Variants in BNC2 observed in about 807,000 individuals in gnomAD.
BNC2 encodes the protein basonuclin zinc finger protein 2.
A neutral mutation model predicts 76.3 loss-of-function variants in BNC2; 20 were observed. The ratio of observed to expected loss-of-function variants is 0.26; its 90% confidence interval spans 0.18 to 0.38. The LOEUF (loss-of-function observed/expected upper bound fraction) is 0.38. Ranked by LOEUF, BNC2 falls within the 10% of genes least tolerant of loss-of-function variation. The pLI, the probability that BNC2 is intolerant of heterozygous loss-of-function variation, is 1.00. For missense variants in BNC2, 1,382 were observed against 1,399.8 expected, an observed-to-expected ratio of 0.99 and a Z score of 0.20; for synonymous variants, 582 against 514.8, an observed-to-expected ratio of 1.13 and a Z score of -1.77.
At chr9:16,535,527 C>T (rs1818104387) in intron 5 of BNC2, among the ~76,000 whole-genome samples, 1 of 152,094 alleles carries the variant, frequency 6.6e-6, no homozygotes, top group East Asian at 1.9e-4. Flanking sequence ...TTGTATCTAA[C>T]CCTGCTGTTT....
Position 16,650,486 on chromosome 9 carries a change from A to G in BNC2, c.331-67401T>C, listed in dbSNP as rs184139928. On this transcript the variant is annotated intron_variant, in intron 3 of 6. Coordinates refer to ENST00000380672, the MANE Select transcript of BNC2 (RefSeq NM_017637.6). ...ACTCAAGGTAATTCCCGTCTGACAT[A>G]TGAATAACAGAGTCCACCAAACTGC... 2.0e-5 allele frequency among the ~76,000 whole-genome samples: 3 copies of G among 152,290 alleles called. No individual in the cohort carries two copies. In the East Asian group the frequency reaches 5.8e-4, roughly 29 times the overall value.
intron 3 of BNC2, among the ~76,000 whole-genome samples, chr9:16,596,813 T>A (rs902455023): frequency 1.3e-5 from 2 of 152,178 alleles, no homozygotes; most frequent in Admixed American, 6.5e-5. Flanking sequence ...ATTGTGGTTG[T>A]AGATTAATTT....
chr9:16,445,039 G>T (rs1402960382), intron 5 of BNC2, among the ~76,000 whole-genome samples: 1 of 152,148 alleles, frequency 6.6e-6, no homozygotes, highest in African/African-American at 2.4e-5. Flanking sequence ...GCCTGCAAGT[G>T]TGTAAGTATG....
intron 4 of BNC2, among the ~76,000 whole-genome samples, chr9:16,570,203 A>T (rs1343380989): frequency 6.6e-6 from 1 of 152,232 alleles, no homozygotes; most frequent in African/African-American, 2.4e-5. Context: ...AAACTATCAC[A>T]TGTGAAAAAA....
chr9:16,423,501 T>C (rs1053148687), intron 6 of BNC2, among the ~76,000 whole-genome samples: 1 of 152,206 alleles, frequency 6.6e-6, no homozygotes, highest in African/African-American at 2.4e-5. Flanking sequence ...TTCAAGAACA[T>C]AACTAAATCT....
At chr9:16,477,909 A>G (rs1056012539) in intron 5 of BNC2, among the ~76,000 whole-genome samples, 3 of 152,234 alleles carry the variant, frequency 2.0e-5, no homozygotes, top group South Asian at 4.1e-4. Flanking sequence ...CTGGCCCCCA[A>G]TTTGAACTTC....
intron 3 of BNC2, among the ~76,000 whole-genome samples, chr9:16,693,692 G>A (rs1407049077): frequency 1.3e-5 from 2 of 152,090 alleles, no homozygotes; most frequent in Non-Finnish European, 2.9e-5. Flanking sequence ...CATACACCAA[G>A]GCATAAAATT....
At chr9:16,811,229 C>CAAAAAAAA (rs1818042223) in intron 1 of BNC2, among the ~76,000 whole-genome samples, 2 of 18,628 alleles carry the variant, frequency 1.1e-4, no homozygotes, top group African/African-American at 3.1e-4. Flanking sequence ...TCTCAAAAGA[C>CAAAAAAAA]CAAAAAAAAA....
At chr9:16,655,874 A>G (rs1821914732) in intron 3 of BNC2, among the ~76,000 whole-genome samples, 1 of 152,112 alleles carries the variant, frequency 6.6e-6, no homozygotes, top group African/African-American at 2.4e-5. Context: ...ACTGGGGGCC[A>G]CTCTGATCTC....
At chr9:16,589,228 G>C (rs7048399) in intron 3 of BNC2, among the ~76,000 whole-genome samples, 137,704 of 152,208 alleles carry the variant, frequency 0.9, 62,538 homozygotes, top group East Asian at 1. Flanking sequence ...CTCTGTTACC[G>C]AGGCTGGAGT....
chr9:16,469,863 T>A (rs935398916), intron 5 of BNC2, among the ~76,000 whole-genome samples: 1 of 152,188 alleles, frequency 6.6e-6, no homozygotes, highest in Non-Finnish European at 1.5e-5. Flanking sequence ...GCAAAGAGAC[T>A]GGCAGCATTT....
rs1270667368 is a variant in BNC2 at position 16,410,239 on chromosome 9, GC to G, written c.*8749del. ...TCACCTTTGGGGAGGCAGAAAAGCA[GC>G]AAGGACTTCATGGAAGAAGCCAGGC... On this transcript the variant is annotated 3_prime_UTR_variant, in exon 7 of 7. Transcript: ENST00000380672. 1.3e-5 allele frequency: 2 copies of G among 152,230 alleles called. No homozygotes were observed. The highest frequency in any genetic ancestry group is 2.9e-5 in the Non-Finnish European group (2 of 68,070). The allele number at this position is 152,230 out of a possible 1,614,324, so 9.4% of individuals were successfully genotyped here.
chr9:16,478,660 C>A (rs969527063), intron 5 of BNC2, among the ~76,000 whole-genome samples: 2 of 152,186 alleles, frequency 1.3e-5, no homozygotes, highest in African/African-American at 4.8e-5. Context: ...AGGAAAGGAC[C>A]ATTAGATGTT....
chr9:16,633,843 G>C (rs1821236775), intron 3 of BNC2, among the ~76,000 whole-genome samples: 1 of 152,150 alleles, frequency 6.6e-6, no homozygotes, highest in East Asian at 1.9e-4. Context: ...CAATCAATCT[G>C]TTCTGAATTA....
chr9:16,598,158 C>T (rs1323176293), intron 3 of BNC2, among the ~76,000 whole-genome samples: 2 of 152,270 alleles, frequency 1.3e-5, no homozygotes, highest in Non-Finnish European at 2.9e-5. Context: ...GGTTCCATAA[C>T]ATCTTTCTAA....
chr9:16,834,500 T>C (rs986702335), intron 1 of BNC2, among the ~76,000 whole-genome samples: 2 of 152,238 alleles, frequency 1.3e-5, no homozygotes, highest in Non-Finnish European at 2.9e-5. Flanking sequence ...ACCAGCTGCC[T>C]GACCATAGCT....
intron 3 of BNC2, among the ~76,000 whole-genome samples, chr9:16,597,438 T>C (rs1035260766): frequency 4.6e-5 from 7 of 152,124 alleles, no homozygotes; most frequent in Non-Finnish European, 8.8e-5. Flanking sequence ...CTTTTACTAA[T>C]GGGGAGAGTA....
intron 5 of BNC2, among the ~76,000 whole-genome samples, chr9:16,526,367 C>T (rs1274576058): frequency 6.6e-6 from 1 of 151,044 alleles, no homozygotes; most frequent in Non-Finnish European, 1.5e-5. Context: ...AAAACCAAAC[C>T]AACATAATAC....
At chr9:16,849,894 C>T (rs1819086450) in intron 1 of BNC2, among the ~76,000 whole-genome samples, 2 of 151,904 alleles carry the variant, frequency 1.3e-5, no homozygotes, top group Non-Finnish European at 2.9e-5. Context: ...TTTCCTTTGA[C>T]TTTTGTCAAA....
Sources: allele counts gnomAD v4.1 joint callset (sites outside exome capture counted in the v4.1 genomes callset), GRCh38; gene constraint gnomAD v4.1.1; transcripts MANE v1.5; gene names NCBI Gene and HGNC (gene_info 2026-07-23, HGNC 2026-07-21).